Variants in GRAMD1B observed in about 807,000 individuals in gnomAD.
GRAMD1B encodes GRAM domain containing 1B, also known as protein Aster-B.
GRAMD1B carries 37 observed loss-of-function variants against 99.7 expected under a neutral mutation model. The observed-to-expected ratio is 0.37, with a 90% CI of 0.29 to 0.49. The LOEUF (loss-of-function observed/expected upper bound fraction) is 0.49. Among genes scored for constraint, GRAMD1B ranks in the 20% least tolerant of loss-of-function variants. GRAMD1B has a pLI of 0.98. For synonymous variants in GRAMD1B, 427 were observed against 387.6 expected (o/e 1.10, Z -1.19); for missense variants, 888 against 1,009.2 (o/e 0.88, Z 1.63).
At chr11:123,489,276 GT>G (rs1191430414) in intron 2 of GRAMD1B, among the ~76,000 whole-genome samples, 1 of 152,184 alleles carries the variant, frequency 6.6e-6, no homozygotes, top group African/African-American at 2.4e-5. Context: ...ATTTAGTCAT[GT>G]AGAGTGAACT....
rs1948837098 is a variant in GRAMD1B at position 123,430,745 on chromosome 11, C to T, written c.-48C>T. 1 of 615,148 alleles carries T rather than the reference C, an allele frequency of 1.6e-6. No homozygotes were observed. 38.1% of individuals were successfully genotyped at this position (615,148 alleles called of 1,614,324 possible). A position where few individuals can be genotyped will look rare whatever the true frequency, so the allele number is the denominator to read the frequency against. On this transcript the variant is annotated 5_prime_UTR_variant, in exon 1 of 20. Coordinates refer to ENST00000635736, the MANE Select transcript of GRAMD1B (RefSeq NM_001387025.1). ...GGAACAGCCAGAGGGAGACGCGAACCAGGCCGCTGGCGGAGGGCTCAGGGG... is the reference window on the plus strand; with the variant it reads ...GGAACAGCCAGAGGGAGACGCGAACTAGGCCGCTGGCGGAGGGCTCAGGGG...
intron 1 of GRAMD1B, among the ~76,000 whole-genome samples, chr11:123,434,341 T>C (rs1284047101): frequency 6.6e-6 from 1 of 152,124 alleles, no homozygotes; most frequent in Non-Finnish European, 1.5e-5. Context: ...ACATCTACTC[T>C]TAGCTACTGT....
intron 1 of GRAMD1B, among the ~76,000 whole-genome samples, chr11:123,457,117 A>AGAAAGAAAGAAAGAAAGAAAAAG: frequency 1.0e-5 from 1 of 99,436 alleles, no homozygotes. Flanking sequence ...TTCTGAGAAA[A>AGAAAGAAAGAAAGAAAGAAAAAG]AAAGAAAGAA....
At chr11:123,479,193 T>C (rs1366864425) in intron 1 of GRAMD1B, among the ~76,000 whole-genome samples, 1 of 152,230 alleles carries the variant, frequency 6.6e-6, no homozygotes, top group Non-Finnish European at 1.5e-5. Context: ...TATGGCGCTG[T>C]TCCGGTTTCT....
intron 4 of GRAMD1B, among the ~76,000 whole-genome samples, chr11:123,589,977 T>C (rs922583020): frequency 3.9e-5 from 6 of 152,100 alleles, no homozygotes; most frequent in Non-Finnish European, 5.9e-5. Context: ...ATCCACATCT[T>C]CCCCACCCCA....
At chr11:123,449,225 C>T (rs966689448) in intron 1 of GRAMD1B, among the ~76,000 whole-genome samples, 2 of 152,074 alleles carry the variant, frequency 1.3e-5, no homozygotes, top group Admixed American at 6.5e-5. Context: ...CGCATTGTAT[C>T]GTTTATTAGA....
chr11:123,497,706 G>T (rs1294631988), intron 2 of GRAMD1B, among the ~76,000 whole-genome samples: 1 of 152,066 alleles, frequency 6.6e-6, no homozygotes, highest in East Asian at 1.9e-4. Flanking sequence ...TTTGAGACCA[G>T]CCTGGCCAAC....
At chr11:123,611,306 G>A (rs1212842826) in intron 14 of GRAMD1B, among the ~76,000 whole-genome samples, 1 of 152,022 alleles carries the variant, frequency 6.6e-6, no homozygotes, top group Non-Finnish European at 1.5e-5. Context: ...GTGGTGGCGT[G>A]TACTGTAGTC....
At chr11:123,463,960 A>G (rs754838868) in intron 1 of GRAMD1B, among the ~76,000 whole-genome samples, 5 of 152,136 alleles carry the variant, frequency 3.3e-5, no homozygotes, top group Admixed American at 6.5e-5. Context: ...ATTCTATGAC[A>G]TTATAGGAAG....
chr11:123,488,323 T>G (rs986130889), intron 2 of GRAMD1B, among the ~76,000 whole-genome samples: 8 of 152,114 alleles, frequency 5.3e-5, no homozygotes, highest in African/African-American at 1.9e-4. Flanking sequence ...AAATCACACC[T>G]GGGAGGTGTT....
intron 2 of GRAMD1B, among the ~76,000 whole-genome samples, chr11:123,566,489 G>T (rs909756707): frequency 5.9e-5 from 9 of 152,072 alleles, no homozygotes; most frequent in Non-Finnish European, 1.2e-4. Context: ...CTTTTTGGCC[G>T]AGCGCGGTGG....
chr11:123,613,495 G>T lies in GRAMD1B; in HGVS notation c.2064G>T (p.Glu688Asp). ...AAACGGAGAGCACTTATTTGGCTGAGATGCACAGACAATCTCCCAAAGAGA... is the reference window on the plus strand; with the variant it reads ...AAACGGAGAGCACTTATTTGGCTGATATGCACAGACAATCTCCCAAAGAGA... ...LAKTESTYLA[E>D]MHRQSPKEKA... The change falls in exon 16 of 20, where the codon GAG (glutamate) becomes GAT (aspartate). Residue 688 changes from glutamate to aspartate, a missense_variant. By Grantham distance (45) the Glu-to-Asp change is conservative. Transcript: ENST00000635736. The T allele has an allele frequency of 6.2e-7, 1 of 1,613,080 alleles. No homozygotes were observed. Among genetic ancestry groups the T allele is most frequent in the Non-Finnish European group, 8.5e-7 (1 of 1,179,562 alleles).
At chr11:123,441,320 T>G (rs1252984161) in intron 1 of GRAMD1B, among the ~76,000 whole-genome samples, 1 of 152,058 alleles carries the variant, frequency 6.6e-6, no homozygotes, top group African/African-American at 2.4e-5. Flanking sequence ...CCCACCAGGT[T>G]CTCCTCCTAC....
At chr11:123,561,386 CAGA>C (rs773295860) in intron 2 of GRAMD1B, among the ~76,000 whole-genome samples, 19 of 152,250 alleles carry the variant, frequency 1.2e-4, no homozygotes, top group Middle Eastern at 3.4e-3. Context: ...ATCTGGCCAG[CAGA>C]AGGAGAGGAT....
intron 2 of GRAMD1B, among the ~76,000 whole-genome samples, chr11:123,520,337 C>G (rs1286597435): frequency 6.6e-6 from 1 of 152,186 alleles, no homozygotes; most frequent in Non-Finnish European, 1.5e-5. Context: ...GCAGGTAACA[C>G]AAAATCTTGT....
chr11:123,580,879 C>T (rs2136282581), intron 3 of GRAMD1B, among the ~76,000 whole-genome samples: 1 of 151,958 alleles, frequency 6.6e-6, no homozygotes, highest in East Asian at 1.9e-4. Context: ...GGCGCTGTGG[C>T]ACTGACCCTT....
chr11:123,562,739 C>T (rs1244237955), intron 2 of GRAMD1B, among the ~76,000 whole-genome samples: 1 of 152,104 alleles, frequency 6.6e-6, no homozygotes, highest in Non-Finnish European at 1.5e-5. Flanking sequence ...CATCCTTCTG[C>T]CGAAACTTGG....
intron 14 of GRAMD1B, 123 bp from the exon 15 acceptor site, chr11:123,612,638 T>C (rs1005327169): frequency 1.4e-6 from 1 of 709,910 alleles, no homozygotes; most frequent in South Asian, 1.5e-5. Context: ...GGAAGGACCT[T>C]TTAACTTGTA....
chr11:123,407,401 G>C (rs966220930), intron 1 of GRAMD1B, among the ~76,000 whole-genome samples: 30 of 152,270 alleles, frequency 2.0e-4, no homozygotes, highest in African/African-American at 6.0e-4. Flanking sequence ...CTTCCTCAGG[G>C]AACTTTGGGA....
Sources: gnomAD v4.1 joint callset for allele counts (sites outside exome capture counted in the v4.1 genomes callset) on GRCh38, gnomAD v4.1.1 for gene constraint, MANE v1.5 for transcripts, NCBI Gene and HGNC (gene_info 2026-07-23, HGNC 2026-07-21) for gene names.